The following SDK1 variants were observed in gnomAD, a reference collection of about 807,000 sequenced individuals.
SDK1 encodes the protein sidekick cell adhesion molecule 1, also known as protein sidekick-1.
In SDK1, 157 loss-of-function variants were observed where a neutral mutation model predicts 245.5. The ratio of observed to expected loss-of-function variants is 0.64; its 90% CI spans 0.56 to 0.73. The LOEUF (loss-of-function observed/expected upper bound fraction) is 0.73, where lower values mean the gene tolerates loss of function less well. Ranked by LOEUF, SDK1 falls within the 30% of genes least tolerant of loss-of-function variation. The pLI is 0.00. For missense variants in SDK1, 3,583 were observed against 3,002.3 expected, an observed-to-expected ratio of 1.19 and a Z score of -4.52; for synonymous variants, 1,647 against 1,278.5, an observed-to-expected ratio of 1.29 and a Z score of -6.15.
chr7:4,107,877 G>A (rs138487252), intron 22 of SDK1, among the ~76,000 whole-genome samples: 3 of 152,328 alleles, frequency 2.0e-5, no homozygotes, highest in Non-Finnish European at 1.5e-5. Context: ...CGTGAGCTGT[G>A]CCGATGTGTG....
chr7:4,041,427 A>G (rs1204408261), intron 17 of SDK1, among the ~76,000 whole-genome samples: 1 of 151,954 alleles, frequency 6.6e-6, no homozygotes, highest in East Asian at 1.9e-4. Context: ...TACCTTTCTT[A>G]TGAGCAGTGA....
chr7:3,913,453 C>G (rs1364958795), intron 5 of SDK1, among the ~76,000 whole-genome samples: 1 of 152,116 alleles, frequency 6.6e-6, no homozygotes, highest in Non-Finnish European at 1.5e-5. Flanking sequence ...GCCACAACGC[C>G]CAGCTAATTT....
intron 35 of SDK1, among the ~76,000 whole-genome samples, chr7:4,190,140 C>T (rs1783107265): frequency 6.6e-6 from 1 of 152,138 alleles, no homozygotes; most frequent in Non-Finnish European, 1.5e-5. Context: ...CACCTGTTTA[C>T]AGGGTAATTA....
intron 17 of SDK1, among the ~76,000 whole-genome samples, chr7:4,023,813 AC>A: frequency 6.6e-6 from 1 of 152,364 alleles, no homozygotes; most frequent in Admixed American, 6.5e-5. Context: ...GATGAAAGAC[AC>A]AGGAAGAAAG....
At chr7:3,952,966 G>A (rs1403976074) in intron 7 of SDK1, among the ~76,000 whole-genome samples, 2 of 152,082 alleles carry the variant, frequency 1.3e-5, no homozygotes, top group Admixed American at 6.5e-5. Flanking sequence ...TGGCCGTGAT[G>A]ACTATGAGAG....
intron 19 of SDK1, among the ~76,000 whole-genome samples, chr7:4,060,256 G>C (rs1012703889): frequency 6.6e-6 from 1 of 152,146 alleles, no homozygotes; most frequent in East Asian, 1.9e-4. Flanking sequence ...GCGATGCTAA[G>C]AGCCTACAAT....
chr7:3,461,321 T>A (rs1242430598), intron 1 of SDK1, among the ~76,000 whole-genome samples: 10 of 152,202 alleles, frequency 6.6e-5, no homozygotes, highest in Admixed American at 6.6e-4. Context: ...TCCCATAAAT[T>A]CTTTGTCTGT....
chr7:3,965,286 A>G (rs1227339845), intron 9 of SDK1, among the ~76,000 whole-genome samples: 1 of 152,148 alleles, frequency 6.6e-6, no homozygotes, highest in Non-Finnish European at 1.5e-5. Flanking sequence ...AAAAGAACCC[A>G]GAGAACATCT....
intron 5 of SDK1, among the ~76,000 whole-genome samples, chr7:3,922,728 G>A (rs1779637878): frequency 6.6e-6 from 1 of 152,192 alleles, no homozygotes; most frequent in Admixed American, 6.5e-5. Context: ...TTACTGGGCT[G>A]CAACTGTGGT....
chr7:3,361,857 TACTG>T (rs568902916), intron 1 of SDK1, among the ~76,000 whole-genome samples: 84 of 152,224 alleles, frequency 5.5e-4, no homozygotes, highest in Non-Finnish European at 9.0e-4. Context: ...ATACTAATAA[TACTG>T]AAAGTAAGCC....
At chr7:3,721,431 CTAAT>C (rs1305471157) in intron 4 of SDK1, among the ~76,000 whole-genome samples, 1 of 152,126 alleles carries the variant, frequency 6.6e-6, no homozygotes, top group Non-Finnish European at 1.5e-5. Flanking sequence ...CCTCGTAAAT[CTAAT>C]TATTTCAAAA....
intron 44 of SDK1, among the ~76,000 whole-genome samples, chr7:4,249,399 A>C (rs1209517272): frequency 3.3e-5 from 5 of 152,214 alleles, no homozygotes; most frequent in African/African-American, 1.2e-4. Context: ...CACTGCTCCC[A>C]CATGGCAAGC....
chr7:3,410,660 T>A (rs944546490), intron 1 of SDK1, among the ~76,000 whole-genome samples: 6 of 148,310 alleles, frequency 4.0e-5, no homozygotes, highest in Admixed American at 6.7e-5. Context: ...GATCTCAGCT[T>A]ACTGCAACCT....
At position 3,745,115 on chromosome 7, in the gene SDK1, T is replaced by C. The variant is rs369905126; in HGVS notation, c.714-76335T>C. 1.5e-3 allele frequency among the ~76,000 whole-genome samples: 231 copies of C among 152,336 alleles called. 6 individuals are homozygous for C. In the South Asian group the frequency reaches 0.045, roughly 30 times the overall value. Reference sequence around the variant, plus strand: ...CCCTGCCATTGCTGAATTTAATCTTTGGAATGTTTTGAACCCCGTGCATGA... The same window carrying C: ...CCCTGCCATTGCTGAATTTAATCTTCGGAATGTTTTGAACCCCGTGCATGA... On this transcript the variant is annotated intron_variant, in intron 4 of 44. Transcript: ENST00000404826.
chr7:3,425,220 C>G (rs1227274125), intron 1 of SDK1, among the ~76,000 whole-genome samples: 1 of 151,664 alleles, frequency 6.6e-6, no homozygotes, highest in Non-Finnish European at 1.5e-5. Context: ...GAAGTGAGCT[C>G]AGGGAGACAG....
intron 5 of SDK1, among the ~76,000 whole-genome samples, chr7:3,834,938 T>C (rs1779997539): frequency 6.6e-6 from 1 of 152,156 alleles, no homozygotes; most frequent in Admixed American, 6.5e-5. Context: ...CCTTTTCTTT[T>C]GGTGTTTATT....
chr7:4,201,659 T>C (rs1227714671), intron 35 of SDK1, among the ~76,000 whole-genome samples: 2 of 149,950 alleles, frequency 1.3e-5, no homozygotes, highest in Non-Finnish European at 3.0e-5. Flanking sequence ...GAGGCTCCGG[T>C]GACAGGAGGC....
At position 4,176,685 on chromosome 7, in the gene SDK1, G is replaced by T. The variant is rs530164988; in HGVS notation, c.4996+851G>T. Among the ~76,000 whole-genome samples the T allele has an allele frequency of 2.6e-5, 4 of 152,238 alleles. No homozygotes were observed. The South Asian group carries it at 6.2e-4, about 24-fold the overall frequency. On this transcript the variant is annotated intron_variant, in intron 34 of 44. Coordinates refer to ENST00000404826, the MANE Select transcript of SDK1 (RefSeq NM_152744.4). ...CACCAGCATCCACATTCAACTTTCT[G>T]TCTCGACGGATTTGACGACTCTGGG...
At chr7:3,579,372 T>TA (rs1780410128) in intron 1 of SDK1, among the ~76,000 whole-genome samples, 1 of 152,220 alleles carries the variant, frequency 6.6e-6, no homozygotes, top group South Asian at 2.1e-4. Flanking sequence ...TGGTTCAAGA[T>TA]ATGCAAATCA....
Sources: allele counts gnomAD v4.1 joint callset (sites outside exome capture counted in the v4.1 genomes callset), GRCh38; gene constraint gnomAD v4.1.1; transcripts MANE v1.5; gene names NCBI Gene and HGNC (gene_info 2026-07-23, HGNC 2026-07-21).